Variants in MAP7 observed in about 807,000 individuals in gnomAD.
The protein encoded by MAP7 is microtubule associated protein 7, also known as ensconsin.
Under a neutral mutation model 94.8 loss-of-function variants are expected in MAP7, and 52 were observed. The ratio of observed to expected loss-of-function variants is 0.55; its 90% CI spans 0.44 to 0.69. The LOEUF is 0.69. Ranked by LOEUF, MAP7 falls within the 30% of genes least tolerant of loss-of-function variation. The pLI is 0.00. For missense variants in MAP7, 940 were observed against 964.6 expected (o/e 0.97, Z 0.34); for synonymous variants, 350 against 357.0 (o/e 0.98, Z 0.22).
chr6:136,516,624 T>C (rs1583119764), intron 1 of MAP7, among the ~76,000 whole-genome samples: 1 of 152,194 alleles, frequency 6.6e-6, no homozygotes, highest in East Asian at 1.9e-4. Flanking sequence ...TGTTCAATTA[T>C]AGCCGCAAAT....
chr6:136,482,727 T>C (rs1813290476), intron 1 of MAP7, among the ~76,000 whole-genome samples: 1 of 152,172 alleles, frequency 6.6e-6, no homozygotes, highest in Non-Finnish European at 1.5e-5. Flanking sequence ...TGTCTGCTCT[T>C]ACAAGACCAT....
At chr6:136,482,888 A>G (rs893019787) in intron 1 of MAP7, among the ~76,000 whole-genome samples, 2 of 152,196 alleles carry the variant, frequency 1.3e-5, no homozygotes, top group Non-Finnish European at 2.9e-5. Flanking sequence ...GTCAACTAAA[A>G]AAAATATATA....
At chr6:136,512,512 G>GAATACTGC (rs1429218333) in intron 1 of MAP7, among the ~76,000 whole-genome samples, 1 of 152,164 alleles carries the variant, frequency 6.6e-6, no homozygotes. Flanking sequence ...GCATACCTCA[G>GAATACTGC]AATACTGCCA....
Position 136,383,687 on chromosome 6 carries a change from T to C in MAP7, c.621A>G (p.Leu207=). The C allele has an allele frequency of 2.5e-6, 4 of 1,601,270 alleles. No homozygotes were observed. Among genetic ancestry groups the C allele is most frequent in the Non-Finnish European group, 3.4e-6 (4 of 1,170,448 alleles). ...GGACTGTACCTCTATCTGGAGAATT[T>C]AGTAAAGTTGCAGATGAAGAGGAGA... ...KRLSSSSATL[L]NSPDRARRLQ... is the part of the protein sequence containing the mutation. The change falls in exon 6 of 18, where the codon CTA becomes CTG. Residue 207 remains leucine (L), a synonymous_variant. Coordinates refer to ENST00000354570, the MANE Select transcript of MAP7 (RefSeq NM_003980.6).
At chr6:136,545,788 T>C (rs1254182945) in intron 1 of MAP7, among the ~76,000 whole-genome samples, 1 of 152,086 alleles carries the variant, frequency 6.6e-6, no homozygotes, top group Non-Finnish European at 1.5e-5. Flanking sequence ...TGTGGGTAAA[T>C]AGTAGGTATA....
At chr6:136,511,610 C>T (rs1007390780) in intron 1 of MAP7, among the ~76,000 whole-genome samples, 2 of 152,188 alleles carry the variant, frequency 1.3e-5, no homozygotes, top group African/African-American at 2.4e-5. Context: ...TGGCTAGGTA[C>T]ACAGTGGACT....
At chr6:136,539,767 C>A (rs1829162163) in intron 1 of MAP7, among the ~76,000 whole-genome samples, 1 of 152,112 alleles carries the variant, frequency 6.6e-6, no homozygotes, top group Admixed American at 6.6e-5. Flanking sequence ...TTGCTTGTGT[C>A]CAGGAGTTTG....
At chr6:136,487,860 G>C (rs981304265) in intron 1 of MAP7, among the ~76,000 whole-genome samples, 10 of 152,178 alleles carry the variant, frequency 6.6e-5, no homozygotes, top group African/African-American at 2.2e-4. Context: ...CACAAAAGAT[G>C]CTTGAAGTTG....
rs116953722 is a variant in MAP7 at position 136,437,795 on chromosome 6, A to G, written c.68-15996T>C. Reference sequence around the variant, plus strand: ...CACCCATTTTACAAAACTTGACTTTACCAAAAAGCTTAGGCTGATTTTAAA... The same window carrying G: ...CACCCATTTTACAAAACTTGACTTTGCCAAAAAGCTTAGGCTGATTTTAAA... On this transcript the variant is annotated intron_variant, in intron 1 of 17. Transcript: ENST00000354570. Among the ~76,000 whole-genome samples the G allele has an allele frequency of 2.0e-4, 31 of 152,324 alleles. No individual in the cohort carries two copies. The East Asian group carries it at 4.8e-3, about 24-fold the overall frequency.
At chr6:136,360,364 T>C (rs376381354) in intron 13 of MAP7, among the ~76,000 whole-genome samples, 9 of 152,292 alleles carry the variant, frequency 5.9e-5, no homozygotes, top group African/African-American at 2.2e-4. Context: ...CAGGCTGGTC[T>C]CGAACTCCTG....
At chr6:136,390,422 G>T (rs1026260486) in intron 3 of MAP7, among the ~76,000 whole-genome samples, 3 of 152,160 alleles carry the variant, frequency 2.0e-5, no homozygotes, top group Non-Finnish European at 4.4e-5. Flanking sequence ...GGAGGCTGAG[G>T]GGGGCAGATC....
chr6:136,432,575 T>C (rs968634322), intron 1 of MAP7, among the ~76,000 whole-genome samples: 2 of 152,172 alleles, frequency 1.3e-5, no homozygotes, highest in Non-Finnish European at 2.9e-5. Flanking sequence ...ACTAACCTCA[T>C]ATAGCTCCTG....
chr6:136,394,128 C>T (rs372004743), intron 3 of MAP7, among the ~76,000 whole-genome samples: 61 of 151,900 alleles, frequency 4.0e-4, no homozygotes, highest in African/African-American at 1.2e-3. Context: ...GGACTACAGG[C>T]GCGTGCCACC....
At chr6:136,384,837 CAA>C (rs1164477195) in intron 5 of MAP7, among the ~76,000 whole-genome samples, 4 of 152,098 alleles carry the variant, frequency 2.6e-5, no homozygotes, top group Admixed American at 6.6e-5. Context: ...ATACAAAAGG[CAA>C]GAATTAGCAG....
chr6:136,366,025 C>A lies in MAP7; in HGVS notation c.990-7G>T. 2 of 1,603,318 alleles carry A rather than the reference C, an allele frequency of 1.2e-6. No homozygotes were observed. Among genetic ancestry groups the A allele is most frequent in the East Asian group, 4.5e-5 (2 of 44,818 alleles). ...AAGAGACTTGGACGGAAGCCTGGGC[C>A]ACAAACAAACAAGGCAGACAAAAGG... On this transcript the variant is annotated splice_region_variant and splice_polypyrimidine_tract_variant and intron_variant, in intron 9 of 17. Transcript: ENST00000354570.
At chr6:136,482,134 G>A (rs2128966768) in intron 1 of MAP7, among the ~76,000 whole-genome samples, 1 of 152,244 alleles carries the variant, frequency 6.6e-6, no homozygotes, top group Non-Finnish European at 1.5e-5. Flanking sequence ...ACAGACGCTG[G>A]GTGAGTTTGC....
intron 1 of MAP7, among the ~76,000 whole-genome samples, chr6:136,529,807 C>G (rs1828324094): frequency 6.6e-6 from 1 of 152,176 alleles, no homozygotes; most frequent in Non-Finnish European, 1.5e-5. Context: ...ACTGCAGGCC[C>G]CACCCGCTTG....
At chr6:136,525,945 GC>G in intron 1 of MAP7, 1 of 1,530,312 alleles carries the variant, frequency 6.5e-7, no homozygotes, top group Non-Finnish European at 8.7e-7. Context: ...ATGTCGGAGA[GC>G]TGTAGCTGAT....
intron 1 of MAP7, among the ~76,000 whole-genome samples, chr6:136,471,156 G>A (rs551943425): frequency 9.2e-5 from 14 of 152,160 alleles, no homozygotes. Context: ...TTTTTTTGCT[G>A]AAAAATTGAA....
Sources: gnomAD v4.1 joint callset for allele counts (sites outside exome capture counted in the v4.1 genomes callset) on GRCh38, gnomAD v4.1.1 for gene constraint, MANE v1.5 for transcripts, NCBI Gene and HGNC (gene_info 2026-07-23, HGNC 2026-07-21) for gene names.